The following RIMBP2 variants were observed in gnomAD, a reference collection of about 807,000 sequenced individuals.
The protein encoded by RIMBP2 is RIMS-binding protein 2.
Under a neutral mutation model 118.6 loss-of-function variants are expected in RIMBP2, and 48 were observed. The observed-to-expected ratio is 0.40, with a 90% CI of 0.32 to 0.51. The LOEUF is 0.51. RIMBP2 is among the 20% of genes least tolerant of loss of function. The probability of loss-of-function intolerance (pLI) is 0.41; values close to 1 mark genes in which losing one functional copy is unlikely to be tolerated. For synonymous variants in RIMBP2, 762 were observed against 742.9 expected (o/e 1.03, Z -0.42); for missense variants, 1,551 against 1,768.3 (o/e 0.88, Z 2.20).
At chr12:130,433,874 G>A (rs2077320134) in intron 14 of RIMBP2, among the ~76,000 whole-genome samples, 2 of 152,240 alleles carry the variant, frequency 1.3e-5, no homozygotes, top group African/African-American at 2.4e-5. Context: ...TCCCTGTGAT[G>A]TGGGGTAATT....
intron 16 of RIMBP2, among the ~76,000 whole-genome samples, chr12:130,423,656 C>CAAAAA (rs36000671): frequency 1.0e-4 from 5 of 50,126 alleles, no homozygotes; most frequent in East Asian, 1.2e-3. Context: ...AAACAATATG[C>CAAAAA]AAAAAAAAAA....
At chr12:130,490,981 G>A (rs996589742) in intron 4 of RIMBP2, among the ~76,000 whole-genome samples, 2 of 152,166 alleles carry the variant, frequency 1.3e-5, no homozygotes, top group Admixed American at 6.5e-5. Flanking sequence ...CAAAACCCAC[G>A]TTAGTGTTTA....
In RIMBP2 at chr12:130,456,586, C is replaced by T. The variant is rs979711826; in HGVS notation, c.268G>A (p.Gly90Ser). Reference sequence around the variant, plus strand: ...ATGTCCAGGGGGGCCACCGCGCTGCCACCCAGCAGGTCAATCTTGCCAGCG... The same window carrying T: ...ATGTCCAGGGGGGCCACCGCGCTGCTACCCAGCAGGTCAATCTTGCCAGCG... ...QHAGKIDLLG[G>S]SAVAPLDIST... The change falls in exon 7 of 23, where the codon GGC (glycine) becomes AGC (serine). Residue 90 changes from glycine to serine, a missense_variant. Physicochemically the swap from Gly to Ser is moderately conservative, Grantham distance 56. Transcript: ENST00000690449. 1.9e-6 allele frequency: 3 copies of T among 1,613,406 alleles called. No individual in the cohort carries two copies. Among genetic ancestry groups the T allele is most frequent in the Non-Finnish European group, 1.7e-6 (2 of 1,179,666 alleles).
At chr12:130,535,760 T>TACACACATATACATATAC (rs1566218352) in intron 2 of RIMBP2, among the ~76,000 whole-genome samples, 2 of 51,198 alleles carry the variant, frequency 3.9e-5, no homozygotes, top group African/African-American at 1.1e-4. Flanking sequence ...TATATATATA[T>TACACACATATACATATAC]ATATATATAT....
chr12:130,535,251 T>G (rs546408371), intron 2 of RIMBP2, among the ~76,000 whole-genome samples: 2 of 152,012 alleles, frequency 1.3e-5, no homozygotes, highest in East Asian at 1.9e-4. Context: ...CTAATCCCAG[T>G]GCTTTGGGAG....
chr12:130,410,116 TTTTAA>T (rs1475959429), intron 19 of RIMBP2, among the ~76,000 whole-genome samples: 2 of 152,200 alleles, frequency 1.3e-5, no homozygotes, highest in African/African-American at 2.4e-5. Context: ...CTCAGGGTGG[TTTTAA>T]TTTGTGTTTC....
chr12:130,654,925 GAACT>G (rs2063361567), intron 1 of RIMBP2, among the ~76,000 whole-genome samples: 1 of 152,158 alleles, frequency 6.6e-6, no homozygotes, highest in African/African-American at 2.4e-5. Context: ...GAATTCACAT[GAACT>G]AACTGAGCAA....
Position 130,475,211 on chromosome 12 carries a change from CA to C in RIMBP2, c.102+3700del, listed in dbSNP as rs767082856. On this transcript the variant is annotated intron_variant, in intron 5 of 22. Transcript: ENST00000690449. The surrounding 1 kb of genome is among the most constrained non-coding windows in gnomAD (Gnocchi z 4.1). ...CCATTTGTTTATTTCTCCGATTTAACAAATGCTTTCCCTTTCACATGATCTT... is the reference window on the plus strand; with the variant it reads ...CCATTTGTTTATTTCTCCGATTTAACAATGCTTTCCCTTTCACATGATCTT... 3.9e-5 allele frequency among the ~76,000 whole-genome samples: 6 copies of C among 152,244 alleles called. No individual in the cohort carries two copies. The highest frequency in any genetic ancestry group is 7.3e-5 in the Non-Finnish European group (5 of 68,040).
intron 4 of RIMBP2, among the ~76,000 whole-genome samples, chr12:130,484,293 C>T (rs2082298369): frequency 6.6e-6 from 1 of 152,220 alleles, no homozygotes; most frequent in African/African-American, 2.4e-5. Context: ...TGCTGTAACA[C>T]CCTGGCTTTC....
chr12:130,423,775 T>C (rs1171158593), intron 16 of RIMBP2, among the ~76,000 whole-genome samples: 1 of 145,822 alleles, frequency 6.9e-6, no homozygotes, highest in Non-Finnish European at 1.5e-5. Flanking sequence ...TCGACAATAC[T>C]AGTAGTCATA....
chr12:130,478,615 C>T (rs1216194511), intron 5 of RIMBP2, among the ~76,000 whole-genome samples: 1 of 152,210 alleles, frequency 6.6e-6, no homozygotes, highest in Non-Finnish European at 1.5e-5. Flanking sequence ...TTTCCAGAAG[C>T]GGAAGCAATT....
intron 6 of RIMBP2, chr12:130,466,040 C>G (rs1329691763): frequency 6.6e-6 from 1 of 152,230 alleles, no homozygotes; most frequent in Admixed American, 6.5e-5. Flanking sequence ...ATTCATTAAC[C>G]TCCCTGTGTC....
chr12:130,571,827 C>T (rs954749828), intron 2 of RIMBP2, among the ~76,000 whole-genome samples: 1 of 152,150 alleles, frequency 6.6e-6, no homozygotes, highest in African/African-American at 2.4e-5. Flanking sequence ...CACTCTGCTG[C>T]CCCACACTGG....
chr12:130,593,405 C>T (rs1337145954), intron 2 of RIMBP2, among the ~76,000 whole-genome samples: 1 of 152,198 alleles, frequency 6.6e-6, no homozygotes, highest in Non-Finnish European at 1.5e-5. Context: ...TTGAGAAACA[C>T]TCCTGAACCT....
intron 4 of RIMBP2, among the ~76,000 whole-genome samples, chr12:130,501,744 A>G (rs2049806649): frequency 6.6e-6 from 1 of 152,194 alleles, no homozygotes; most frequent in Admixed American, 6.5e-5. Flanking sequence ...AAGGAGCAGG[A>G]CCTCTGCTGC....
At chr12:130,651,862 GC>G (rs1398037245) in intron 1 of RIMBP2, among the ~76,000 whole-genome samples, 2 of 151,608 alleles carry the variant, frequency 1.3e-5, no homozygotes, top group Non-Finnish European at 2.9e-5. Context: ...TCATATTATA[GC>G]TTTTGGAAAG....
chr12:130,442,037 T>C lies in RIMBP2; in HGVS notation c.1315A>G (p.Ile439Val). ...LPTNSNYSHV[I>V]FLNEEEFDIV... Reference sequence around the variant, plus strand: ...TCGAACTCCTCCTCGTTGAGGAAGATGACGTGGCTGTAGTTGCTGTTGGTG... The same window carrying C: ...TCGAACTCCTCCTCGTTGAGGAAGACGACGTGGCTGTAGTTGCTGTTGGTG... The change falls in exon 11 of 23, where the codon ATC becomes GTC. Residue 439 changes from isoleucine to valine, a missense_variant. Physicochemically the swap from Ile to Val is conservative, Grantham distance 29. Around this residue, in one of 5 missense-constraint regions of RIMBP2, gnomAD observed 265 missense variants for 349.5 expected, o/e 0.76. Transcript: ENST00000690449. The surrounding 1 kb of genome is among the most constrained non-coding windows in gnomAD (Gnocchi z 6.9). 1 of 1,614,176 alleles carries C rather than the reference T, an allele frequency of 6.2e-7. No individual in the cohort carries two copies. Among genetic ancestry groups the C allele is most frequent in the Non-Finnish European group, 8.5e-7 (1 of 1,180,042 alleles).
At chr12:130,615,965 G>A (rs1294557029) in intron 2 of RIMBP2, among the ~76,000 whole-genome samples, 7 of 152,080 alleles carry the variant, frequency 4.6e-5, no homozygotes, top group African/African-American at 7.2e-5. Flanking sequence ...GGGCGGGGAC[G>A]TGGTCTGGAC....
chr12:130,436,444 T>C (rs1354422261), intron 13 of RIMBP2, among the ~76,000 whole-genome samples: 3 of 152,256 alleles, frequency 2.0e-5, no homozygotes, highest in Middle Eastern at 3.4e-3. Flanking sequence ...TATATTTACA[T>C]GCACACACAC....
Sources: gnomAD v4.1 joint callset for allele counts (sites outside exome capture counted in the v4.1 genomes callset) on GRCh38, gnomAD v4.1.1 for gene constraint, gnomAD v4.1.1 regional missense constraint, Gnocchi (gnomAD v3.1) non-coding constraint, MANE v1.5 for transcripts, NCBI Gene and HGNC (gene_info 2026-07-23, HGNC 2026-07-21) for gene names.